Variants in ARHGAP4 observed in about 807,000 individuals in gnomAD.
The protein encoded by ARHGAP4 is rho GTPase-activating protein 4.
Under a neutral mutation model 67.6 loss-of-function variants are expected in ARHGAP4, and 25 were observed. The ratio of observed to expected loss-of-function variants is 0.37; its 90% CI spans 0.27 to 0.52. The LOEUF (loss-of-function observed/expected upper bound fraction) is 0.52. Among genes scored for constraint, ARHGAP4 ranks in the 20% least tolerant of loss-of-function variants. ARHGAP4 has a pLI of 0.92. For missense variants in ARHGAP4, 804 were observed against 854.6 expected (o/e 0.94, Z 0.74); for synonymous variants, 448 against 373.7 (o/e 1.20, Z -2.29).
At chrX:153,918,228 G>C (rs983302810) in intron 7 of ARHGAP4, among the ~76,000 whole-genome samples, 7 of 111,198 alleles carry the variant, frequency 6.3e-5, no homozygotes, top group African/African-American at 2.3e-4. Flanking sequence ...GCAGGGAAGC[G>C]TGTGGTGGCT....
Position 153,913,762 on chromosome X carries a change from G to A in ARHGAP4, c.1134+16C>T, listed in dbSNP as rs377143377. On this transcript the variant is annotated intron_variant, in intron 8 of 21. Coordinates refer to ENST00000350060, the MANE Select transcript of ARHGAP4 (RefSeq NM_001666.5). ...AGGCCCTCGTCTCCCTCTAACCCCC[G>A]GTGGGCTGCCCAGACCTCCTCTGTC... 1.2e-4 allele frequency: 144 copies of A among 1,207,219 alleles called. No individual in the cohort carries two copies. Among genetic ancestry groups the A allele is most frequent in the Non-Finnish European group, 1.5e-4 (138 of 892,540 alleles).
At position 153,911,163 on chromosome X, in the gene ARHGAP4, C is replaced by G. The variant is rs2070098; in HGVS notation, c.1569G>C (p.Val523=). 1.3e-5 allele frequency: 15 copies of G among 1,167,736 alleles called. No individual in the cohort carries two copies. The African/African-American group carries it at 2.7e-4, about 21-fold the overall frequency. Residue 523 remains valine (V), a synonymous_variant, in exon 13 of 22, where the codon GTG becomes GTC. Coordinates refer to ENST00000350060, the MANE Select transcript of ARHGAP4 (RefSeq NM_001666.5). ...TGATGAAGCGAATGCAGCTCTCCAC[C>G]ACCAGGGGCACAGGCTGGCCTGAGC... ...IQSSGQPVPL[V]VESCIRFINL...
At chrX:153,919,520 A>T (rs1469813012) in intron 5 of ARHGAP4, 34 of 1,136,245 alleles carry the variant, frequency 3.0e-5, no homozygotes, top group Non-Finnish European at 7.0e-6. Flanking sequence ...TCGAGCCACA[A>T]CATTCCCCAC....
At chrX:153,911,917 A>T (rs782714110) in intron 12 of ARHGAP4, among the ~76,000 whole-genome samples, 4 of 68,973 alleles carry the variant, frequency 5.8e-5, no homozygotes, top group African/African-American at 1.9e-4. Context: ...CTCAACAAAT[A>T]AAAAAAAAAA....
rs1557105077 is a variant in ARHGAP4 at position 153,920,759 on chromosome X, G to A, written c.548C>T (p.Ala183Val). The change falls in exon 5 of 22, where the codon GCC becomes GTC. Residue 183 changes from alanine to valine, a missense_variant. Transcript: ENST00000350060. ...CTGCCGCTCGGCCTCCCGGAGCTTGGCCTCGGCATTCACGCTCTCCATGTG... is the reference window on the plus strand; with the variant it reads ...CTGCCGCTCGGCCTCCCGGAGCTTGACCTCGGCATTCACGCTCTCCATGTG... The part of the protein sequence containing the change: ...AYHMESVNAE[A>V]KLREAERQEE... 1 of 1,211,043 alleles carries A rather than the reference G, an allele frequency of 8.3e-7. No homozygotes were observed. Among genetic ancestry groups the A allele is most frequent in the African/African-American group, 1.7e-5 (1 of 57,612 alleles).
chrX:153,909,716 G>A (rs1557102298), intron 19 of ARHGAP4, 25 bp downstream of exon 19: 1 of 1,166,632 alleles, frequency 8.6e-7, no homozygotes. Flanking sequence ...GGGAGCCCTG[G>A]GGCCTGAGGG....
At chrX:153,919,604 G>A in intron 5 of ARHGAP4, 1 of 1,166,622 alleles carries the variant, frequency 8.6e-7, no homozygotes, top group Non-Finnish European at 1.1e-6. Context: ...ACCCCACCAT[G>A]GAGGGTGCAC....
intron 19 of ARHGAP4, 55 bp from the exon 20 acceptor site, chrX:153,909,590 G>C (rs909399906): frequency 4.8e-5 from 49 of 1,029,591 alleles, no homozygotes; most frequent in Non-Finnish European, 5.8e-5. Context: ...ACGGGGTCCA[G>C]GGCCAGCAGC....
intron 5 of ARHGAP4, chrX:153,919,628 T>G: frequency 1.7e-6 from 2 of 1,167,100 alleles, no homozygotes; most frequent in Non-Finnish European, 2.3e-6. Context: ...AAACCCAGCT[T>G]GGAGCCAGCA....
chrX:153,920,393 G>A, intron 5 of ARHGAP4: 1 of 408,929 alleles, frequency 2.4e-6, no homozygotes, highest in Non-Finnish European at 4.2e-6. Context: ...GAGCTGCAGG[G>A]GCCCCGCTGG....
At chrX:153,913,649 G>C (rs1557103820) in intron 8 of ARHGAP4, 49 bp from the exon 9 acceptor site, 1 of 1,177,124 alleles carries the variant, frequency 8.5e-7, no homozygotes, top group East Asian at 3.0e-5. Context: ...GACAGGGAGG[G>C]AGACAGGAAG....
Position 153,926,148 on chromosome X carries a change from T to C in ARHGAP4, c.55A>G (p.Thr19Ala). 2.5e-6 allele frequency: 3 copies of C among 1,204,020 alleles called. No individual in the cohort carries two copies. Among genetic ancestry groups the C allele is most frequent in the Non-Finnish European group, 3.4e-6 (3 of 891,770 alleles). The change falls in exon 1 of 22, where the codon ACG becomes GCG. Residue 19 changes from threonine (T) to alanine (A), a missense_variant. Coordinates refer to ENST00000350060, the MANE Select transcript of ARHGAP4 (RefSeq NM_001666.5). ...GGCGCCCTCTCACCTTTGACTTGCGTCTCATACTCAGCCTGCAGCCCCCGC... is the reference window on the plus strand; with the variant it reads ...GGCGCCCTCTCACCTTTGACTTGCGCCTCATACTCAGCCTGCAGCCCCCGC... ...RERGLQAEYE[T>A]QVKEMRWQLS...
Position 153,910,574 on chromosome X carries a change from G to A in ARHGAP4, c.1854C>T (p.Ser618=). ...EATAERVEHV[S]RLLWRLPAPV... ...GCGCGGGCAGCCGCCACAGCAGGCG[G>A]CTCACGTGCTCCACCCTCTCCGCTG... is the stretch of plus-strand genomic sequence containing the variant. Residue 618 remains serine (S), a synonymous_variant, in exon 16 of 22, where the codon AGC becomes AGT. Transcript: ENST00000350060. 1 of 1,208,508 alleles carries A rather than the reference G, an allele frequency of 8.3e-7. No homozygotes were observed. Among genetic ancestry groups the A allele is most frequent in the East Asian group, 3.0e-5 (1 of 33,798 alleles).
At chrX:153,909,020 A>C in intron 21 of ARHGAP4, 50 bp downstream of exon 21, 1 of 1,157,387 alleles carries the variant, frequency 8.6e-7, no homozygotes, top group Non-Finnish European at 1.2e-6. Context: ...AAGGGGAGGC[A>C]GAGATCCCCC....
chrX:153,909,881 C>G lies in ARHGAP4; in HGVS notation c.2274G>C (p.Thr758=). 8.3e-7 allele frequency: 1 copy of G among 1,204,462 alleles called. No homozygotes were observed. The highest frequency in any genetic ancestry group is 1.8e-5 in the South Asian group (1 of 56,058). The part of the protein sequence containing the change: ...VVEAVACFAY[T]GRTAQELSFR... Reference sequence around the variant, plus strand: ...AGCTCAGCTCCTGGGCTGTGCGGCCCGTGTAGGCAAAGCAGGCCACAGCCT... The same window carrying G: ...AGCTCAGCTCCTGGGCTGTGCGGCCGGTGTAGGCAAAGCAGGCCACAGCCT... Residue 758 remains threonine (T), a synonymous_variant, in exon 19 of 22, where the codon ACG becomes ACC. Coordinates refer to ENST00000350060, the MANE Select transcript of ARHGAP4 (RefSeq NM_001666.5).
Position 153,921,774 on chromosome X carries a change from G to A in ARHGAP4, c.103C>T (p.Leu35=), listed in dbSNP as rs1557105422. Residue 35 remains leucine, a synonymous_variant, in exon 2 of 22, where the codon CTG becomes TTG. Transcript: ENST00000350060. ...RWQLSEQLRC[L]ELQGELRREL... ...CGCCGCAGCTCGCCCTGCAGCTCCA[G>A]GCAGCGCAGCTGCTCGCTCAGCTGC... The A allele has an allele frequency of 1.7e-6, 2 of 1,199,220 alleles. No homozygotes were observed. The highest frequency in any genetic ancestry group is 2.2e-5 in the Admixed American group (1 of 45,031).
At chrX:153,908,305 T>C (rs1412686821) in intron 21 of ARHGAP4, among the ~76,000 whole-genome samples, 1 of 112,085 alleles carries the variant, frequency 8.9e-6, no homozygotes, top group Non-Finnish European at 1.9e-5. Context: ...TGTCCTCCCA[T>C]GGCGTCTCCT....
rs1294695554 is a variant in ARHGAP4 at position 153,921,404 on chromosome X, C to T, written c.396G>A (p.Leu132=). 2.1e-5 allele frequency: 25 copies of T among 1,209,591 alleles called. No individual in the cohort carries two copies. Among genetic ancestry groups the T allele is most frequent in the Non-Finnish European group, 2.3e-5 (21 of 895,114 alleles). ...GCCCCACGTCCTCTGCAATGTGACT[C>T]AGGCGCTGGGCCAGGGGCCCGGCCA... The part of the protein sequence containing the change: ...EVLAGPLAQR[L]SHIAEDVGRL... The change falls in exon 3 of 22, where the codon CTG becomes CTA. Residue 132 remains leucine, a synonymous_variant. Coordinates refer to ENST00000350060, the MANE Select transcript of ARHGAP4 (RefSeq NM_001666.5).
chrX:153,919,834 T>C (rs1557104906), intron 5 of ARHGAP4: 2 of 550,318 alleles, frequency 3.6e-6, no homozygotes, highest in Non-Finnish European at 5.3e-6. Flanking sequence ...TCGCCCAGGC[T>C]GGAGTACAGT....
Sources: allele counts gnomAD v4.1 joint callset (sites outside exome capture counted in the v4.1 genomes callset), GRCh38; gene constraint gnomAD v4.1.1; transcripts MANE v1.5; gene names NCBI Gene and HGNC (gene_info 2026-07-23, HGNC 2026-07-21).